The following C1orf105 variants were observed in gnomAD, a reference collection of about 807,000 sequenced individuals.
The protein encoded by C1orf105 is chromosome 1 open reading frame 105.
C1orf105 carries 17 observed loss-of-function variants against 20.8 expected under a neutral mutation model. The ratio of observed to expected loss-of-function variants is 0.82; its 90% CI spans 0.56 to 1.23. C1orf105 has a LOEUF of 1.23. Ranked by LOEUF, C1orf105 falls within the 50% of genes most tolerant of loss-of-function variation. The probability of loss-of-function intolerance (pLI) is 0.00; values close to 1 mark genes in which losing one functional copy is unlikely to be tolerated. For synonymous variants in C1orf105, 72 were observed against 72.1 expected (o/e 1.00, Z 0.01); for missense variants, 219 against 213.5 (o/e 1.03, Z -0.16).
At chr1:172,446,993 G>T (rs1015824109) in intron 2 of C1orf105, among the ~76,000 whole-genome samples, 4 of 152,192 alleles carry the variant, frequency 2.6e-5, no homozygotes. Flanking sequence ...CAACAAAGGT[G>T]ACCGAACAGC....
chr1:172,462,635 T>C (rs1649778164), intron 5 of C1orf105, among the ~76,000 whole-genome samples: 1 of 152,236 alleles, frequency 6.6e-6, no homozygotes, highest in Admixed American at 6.5e-5. Flanking sequence ...TGCTACGTTT[T>C]AGTAACTAAA....
In C1orf105 at chr1:172,420,907, G is replaced by T. The variant is rs1193924419; in HGVS notation, c.21+1G>T. ...AAAGATGGAAAAAAGAGAACTAAAG[G>T]TAGGAAAAAAATAAATGAAACTTCC... On this transcript the variant is annotated splice_donor_variant, in intron 1 of 6. Transcript: ENST00000367727. LOFTEE classifies it high-confidence loss of function. The T allele has an allele frequency of 6.2e-7, 1 of 1,608,472 alleles. No homozygotes were observed. The highest frequency in any genetic ancestry group is 1.1e-5 in the South Asian group (1 of 90,818).
At chr1:172,430,605 A>C (rs2071844295) in intron 1 of C1orf105, among the ~76,000 whole-genome samples, 1 of 151,938 alleles carries the variant, frequency 6.6e-6, no homozygotes, top group African/African-American at 2.4e-5. Context: ...CCTCCAGTTA[A>C]TTTTTTAAAT....
intron 3 of C1orf105, among the ~76,000 whole-genome samples, chr1:172,454,282 C>T (rs965593204): frequency 3.9e-5 from 6 of 151,930 alleles, no homozygotes; most frequent in East Asian, 3.9e-4. Context: ...TTTCTCCAAT[C>T]AGAAGTGGTC....
chr1:172,434,807 G>A (rs2071984554), intron 1 of C1orf105, among the ~76,000 whole-genome samples: 1 of 152,186 alleles, frequency 6.6e-6, no homozygotes, highest in Admixed American at 6.5e-5. Context: ...AATGAATCCA[G>A]GAGCTGGTTT....
intron 1 of C1orf105, among the ~76,000 whole-genome samples, chr1:172,431,756 G>C (rs934102460): frequency 1.3e-5 from 2 of 152,178 alleles, no homozygotes; most frequent in African/African-American, 4.8e-5. Flanking sequence ...GAGTACAGTC[G>C]ATGGAGGGTG....
chr1:172,460,514 C>T (rs746641573), intron 4 of C1orf105, among the ~76,000 whole-genome samples: 3 of 152,030 alleles, frequency 2.0e-5, no homozygotes, highest in Non-Finnish European at 4.4e-5. Flanking sequence ...CCTTCAAGCC[C>T]CTTAAAAGTA....
chr1:172,460,986 A>G (rs753020553), intron 4 of C1orf105, among the ~76,000 whole-genome samples: 12 of 152,244 alleles, frequency 7.9e-5, no homozygotes, highest in Non-Finnish European at 1.2e-4. Flanking sequence ...CAATCATGCT[A>G]TTCAGGAGGA....
intron 1 of C1orf105, among the ~76,000 whole-genome samples, chr1:172,422,859 T>C (rs1360936399): frequency 6.6e-6 from 1 of 152,082 alleles, no homozygotes; most frequent in Non-Finnish European, 1.5e-5. Context: ...GTACTCCTCA[T>C]GGGCCTGTGG....
chr1:172,455,004 G>C (rs1457378419), intron 3 of C1orf105, among the ~76,000 whole-genome samples: 1 of 152,074 alleles, frequency 6.6e-6, no homozygotes, highest in Non-Finnish European at 1.5e-5. Context: ...TATGACCCCC[G>C]TCACAGCACC....
At chr1:172,450,475 T>C (rs4916187) in intron 3 of C1orf105, among the ~76,000 whole-genome samples, 126,094 of 152,204 alleles carry the variant, frequency 0.83, 52,474 homozygotes, top group East Asian at 0.99. Context: ...TGGATTCAGC[T>C]GGCAGCTGCT....
chr1:172,445,004 T>G, intron 1 of C1orf105, 69 bp from the exon 2 acceptor site: 1 of 1,269,110 alleles, frequency 7.9e-7, no homozygotes, highest in East Asian at 2.4e-5. Context: ...TTAGCTGACT[T>G]TGGCCATCGT....
At chr1:172,453,046 C>T (rs1648828865) in intron 3 of C1orf105, 2 of 1,550,468 alleles carry the variant, frequency 1.3e-6, no homozygotes, top group African/African-American at 2.7e-5. Flanking sequence ...GCCTGCAGGA[C>T]ATGGCGTCTC....
At chr1:172,462,360 G>C in intron 5 of C1orf105, 115 bp downstream of exon 5, 2 of 721,056 alleles carry the variant, frequency 2.8e-6, no homozygotes, top group South Asian at 2.3e-5. Context: ...TAGGGAACAG[G>C]CTTCTTGACT....
At chr1:172,457,774 G>A (rs1175513067) in intron 4 of C1orf105, among the ~76,000 whole-genome samples, 2 of 152,208 alleles carry the variant, frequency 1.3e-5, no homozygotes, top group Non-Finnish European at 2.9e-5. Context: ...AATGATAGAA[G>A]TGGAGCCACA....
chr1:172,428,913 G>A (rs1188502693), intron 1 of C1orf105: 1 of 640,698 alleles, frequency 1.6e-6, no homozygotes, highest in African/African-American at 1.9e-5. Flanking sequence ...GGTGAGTAGA[G>A]GGAAGCTTAT....
At chr1:172,450,120 T>A (rs1008223165) in intron 3 of C1orf105, among the ~76,000 whole-genome samples, 2 of 152,196 alleles carry the variant, frequency 1.3e-5, no homozygotes, top group Non-Finnish European at 2.9e-5. Flanking sequence ...GAGCAACAGC[T>A]TCCAGCTGCG....
chr1:172,442,562 G>A lies in C1orf105; in HGVS notation c.22-2511G>A, dbSNP rs115209243. 117 of 1,613,960 alleles carry A rather than the reference G, an allele frequency of 7.2e-5. No homozygotes were observed. The African/African-American group carries it at 1.0e-3, about 14-fold the overall frequency. ...ACATAGTTATCAGGAAAGGGCTGTC[G>A]CTCATACAAGACCTTCTGCCACTTG... On this transcript the variant is annotated intron_variant, in intron 1 of 6. Coordinates refer to ENST00000367727, the MANE Select transcript of C1orf105 (RefSeq NM_139240.4).
intron 1 of C1orf105, among the ~76,000 whole-genome samples, chr1:172,432,411 A>C (rs1420524901): frequency 6.6e-6 from 1 of 152,196 alleles, no homozygotes; most frequent in Non-Finnish European, 1.5e-5. Context: ...TCAGGCAGCA[A>C]TGTTTGCTGT....
Sources: allele counts gnomAD v4.1 joint callset (sites outside exome capture counted in the v4.1 genomes callset), GRCh38; gene constraint gnomAD v4.1.1; transcripts MANE v1.5; gene names NCBI Gene and HGNC (gene_info 2026-07-23, HGNC 2026-07-21).